Variants in ANO3 observed in about 807,000 individuals in gnomAD.
ANO3 encodes the protein anoctamin 3.
In ANO3, 99 loss-of-function variants were observed where a neutral mutation model predicts 144.8. That is an observed-to-expected ratio of 0.68 (90% CI 0.58 to 0.81). The LOEUF is 0.81. Ranked by LOEUF, ANO3 falls within the 30% of genes least tolerant of loss-of-function variation. The pLI is 0.00. For synonymous variants in ANO3, 414 were observed against 392.6 expected (o/e 1.05, Z -0.64); for missense variants, 905 against 1,202.2 (o/e 0.75, Z 3.66).
chr11:26,547,087 T>C (rs527767972), intron 11 of ANO3, among the ~76,000 whole-genome samples: 1 of 151,678 alleles, frequency 6.6e-6, no homozygotes, highest in East Asian at 1.9e-4. Flanking sequence ...AGCTATATGG[T>C]TTAGAGCAGC....
chr11:26,325,520 G>A (rs1253546102), intron 1 of ANO3, among the ~76,000 whole-genome samples: 2 of 152,082 alleles, frequency 1.3e-5, no homozygotes, highest in African/African-American at 4.8e-5. Context: ...ACTGTAGTTG[G>A]AAGATTAATT....
At chr11:26,551,758 T>C (rs1565098284) in intron 12 of ANO3, among the ~76,000 whole-genome samples, 3 of 152,132 alleles carry the variant, frequency 2.0e-5, no homozygotes, top group East Asian at 3.9e-4. Flanking sequence ...TTCTTATTCC[T>C]ACAAATTACT....
At chr11:26,401,342 A>G (rs1468487088) in intron 1 of ANO3, among the ~76,000 whole-genome samples, 2 of 151,972 alleles carry the variant, frequency 1.3e-5, no homozygotes, top group African/African-American at 4.8e-5. Flanking sequence ...ATTCTCTGTC[A>G]TGACCTTACA....
At chr11:26,460,142 T>A (rs1171184797) in intron 3 of ANO3, 1 of 450,284 alleles carries the variant, frequency 2.2e-6, no homozygotes, top group Non-Finnish European at 4.5e-6. Flanking sequence ...ATCAGGACAG[T>A]GATTTAAAAC....
At chr11:26,539,390 G>T (rs1284842494) in intron 10 of ANO3, among the ~76,000 whole-genome samples, 1 of 152,000 alleles carries the variant, frequency 6.6e-6, no homozygotes, top group Non-Finnish European at 1.5e-5. Context: ...TCACTATCAG[G>T]CCAGAATGAT....
Position 26,442,002 on chromosome 11 carries a change from A to G in ANO3, c.131A>G (p.Tyr44Cys). 2 of 1,614,184 alleles carry G rather than the reference A, an allele frequency of 1.2e-6. No homozygotes were observed. Among genetic ancestry groups the G allele is most frequent in the Admixed American group, 1.7e-5 (1 of 60,024 alleles). The stretch of plus-strand genomic sequence containing the variant: ...TCCCTGCCTTGCCTCGCCCAGAGCT[A>G]CGCTTACTCAAAGAGCTTGAGCCAG... ...RRSLPCLAQS[Y>C]AYSKSLSQST... Residue 44 changes from tyrosine (Y) to cysteine (C), a missense_variant, in exon 2 of 27, where the codon TAC (tyrosine) becomes TGC (cysteine). By Grantham distance (194) the Tyr-to-Cys change is radical (BLOSUM62 -2). This residue lies in a region of ANO3 where 174 missense variants were observed against 171.9 expected (regional missense o/e 1.01). Coordinates refer to ENST00000256737, the MANE Select transcript of ANO3 (RefSeq NM_031418.4).
intron 14 of ANO3, among the ~76,000 whole-genome samples, chr11:26,563,838 T>C (rs1210488131): frequency 6.6e-6 from 1 of 151,870 alleles, no homozygotes; most frequent in Non-Finnish European, 1.5e-5. Flanking sequence ...AGAACAGTTG[T>C]CTAGGCCTGA....
At chr11:26,375,245 A>G (rs899761547) in intron 1 of ANO3, among the ~76,000 whole-genome samples, 2 of 152,156 alleles carry the variant, frequency 1.3e-5, no homozygotes, top group African/African-American at 4.8e-5. Flanking sequence ...TTGTGCCCCT[A>G]TGAGAATCCA....
At chr11:26,640,854 A>C (rs746819555) in intron 21 of ANO3, among the ~76,000 whole-genome samples, 1 of 152,186 alleles carries the variant, frequency 6.6e-6, no homozygotes. Flanking sequence ...AACTTTAAAC[A>C]GAACCTAAAT....
At chr11:26,611,167 G>A (rs1010319475) in intron 17 of ANO3, among the ~76,000 whole-genome samples, 4 of 151,672 alleles carry the variant, frequency 2.6e-5, no homozygotes, top group African/African-American at 9.7e-5. Context: ...TACAATTTGG[G>A]GTTTCGTTTG....
intron 18 of ANO3, among the ~76,000 whole-genome samples, chr11:26,630,276 A>T (rs1852733551): frequency 6.6e-6 from 1 of 152,218 alleles, no homozygotes; most frequent in South Asian, 2.1e-4. Context: ...TTAAAACTTT[A>T]ATTTTCTTGA....
At chr11:26,212,322 C>G (rs1851950947) in intron 1 of ANO3, among the ~76,000 whole-genome samples, 1 of 151,260 alleles carries the variant, frequency 6.6e-6, no homozygotes, top group Admixed American at 6.6e-5. Flanking sequence ...ACATGAAAAA[C>G]CCTTCAAAAA....
intron 1 of ANO3, among the ~76,000 whole-genome samples, chr11:26,374,524 G>A (rs1432021647): frequency 6.6e-6 from 1 of 152,136 alleles, no homozygotes; most frequent in Non-Finnish European, 1.5e-5. Flanking sequence ...TTCTGATAAA[G>A]GGAAACAAAA....
At chr11:26,637,779 C>CTTAA (rs35808305) in intron 20 of ANO3, among the ~76,000 whole-genome samples, 115,363 of 151,684 alleles carry the variant, frequency 0.76, 44,908 homozygotes, top group Non-Finnish European at 0.85. Flanking sequence ...CTCTTTGTGT[C>CTTAA]TTATTTGTTC....
At chr11:26,291,102 G>A (rs138372556) in intron 1 of ANO3, among the ~76,000 whole-genome samples, 12,527 of 152,196 alleles carry the variant, frequency 0.082, 673 homozygotes, top group Non-Finnish European at 0.12. Flanking sequence ...CCTGTATTGG[G>A]TGCATATATA....
intron 14 of ANO3, among the ~76,000 whole-genome samples, chr11:26,575,017 C>T (rs992682269): frequency 3.3e-5 from 5 of 151,966 alleles, no homozygotes; most frequent in South Asian, 2.1e-4. Context: ...GCATTTAATT[C>T]GACCATAGTT....
chr11:26,484,762 C>T (rs1312263403), intron 4 of ANO3, among the ~76,000 whole-genome samples: 1 of 152,180 alleles, frequency 6.6e-6, no homozygotes, highest in African/African-American at 2.4e-5. Flanking sequence ...AAAGCAGCCA[C>T]AAGGTTTGTA....
intron 1 of ANO3, among the ~76,000 whole-genome samples, chr11:26,218,465 C>G (rs964804625): frequency 2.0e-5 from 3 of 152,140 alleles, no homozygotes; most frequent in Non-Finnish European, 4.4e-5. Flanking sequence ...AACACTTACC[C>G]TCCCAGGGTT....
intron 1 of ANO3, among the ~76,000 whole-genome samples, chr11:26,218,989 T>C (rs183872127): frequency 5.8e-4 from 89 of 152,334 alleles, no homozygotes; most frequent in African/African-American, 2.1e-3. Context: ...CCTACTAGGT[T>C]AGGGTTTCTT....
Sources: gnomAD v4.1 joint callset for allele counts (sites outside exome capture counted in the v4.1 genomes callset) on GRCh38, gnomAD v4.1.1 for gene constraint, gnomAD v4.1.1 regional missense constraint, MANE v1.5 for transcripts, NCBI Gene and HGNC (gene_info 2026-07-23, HGNC 2026-07-21) for gene names.